Variants in MYH7B observed in about 807,000 individuals in gnomAD.
MYH7B encodes the protein myosin-7B.
Under a neutral mutation model 234.5 loss-of-function variants are expected in MYH7B, and 205 were observed. That is an observed-to-expected ratio of 0.87 (90% CI 0.78 to 0.98). The LOEUF is 0.98. MYH7B is among the 50% of genes least tolerant of loss of function. MYH7B has a pLI of 0.00. For synonymous variants in MYH7B, 1,193 were observed against 1,105.0 expected (o/e 1.08, Z -1.58); for missense variants, 2,652 against 2,633.4 (o/e 1.01, Z -0.15).
At chr20:34,979,580 C>G in intron 6 of MYH7B, 81 bp from the exon 7 acceptor site, 1 of 1,603,276 alleles carries the variant, frequency 6.2e-7, no homozygotes, top group South Asian at 1.1e-5. Context: ...TGAAGGGGGT[C>G]TGGGTATGTG....
At chr20:34,990,509 G>C (rs1202459304) in intron 22 of MYH7B, 199 bp downstream of exon 22, 3 of 864,446 alleles carry the variant, frequency 3.5e-6, no homozygotes, top group Non-Finnish European at 6.0e-6. Context: ...TGTGGGGAAG[G>C]GGTGGGAGCC....
Position 34,998,508 on chromosome 20 carries a change from C to G in MYH7B, c.3875-3C>G, listed in dbSNP as rs746555833. ...ACCTGTCCGCTCGCCTCTTTGCCTG[C>G]AGGGGAGCTGAGTCGCCTGCTAGAG... is the stretch of plus-strand genomic sequence containing the variant. On this transcript the variant is annotated splice_polypyrimidine_tract_variant and splice_region_variant and intron_variant, in intron 33 of 44. Transcript: ENST00000262873. 52 of 1,613,498 alleles carry G rather than the reference C, an allele frequency of 3.2e-5. No individual in the cohort carries two copies. The highest frequency in any genetic ancestry group is 4.4e-5 in the Non-Finnish European group (52 of 1,180,000).
In MYH7B at chr20:34,986,867, C is replaced by A; in HGVS notation, c.905-19C>A. ...GGTAAGCACTGCCTGACCCTCCCTT[C>A]TCTGCCCTGTGTCCCCAGACATGCT... On this transcript the variant is annotated intron_variant, in intron 14 of 44. Transcript: ENST00000262873. 6.2e-7 allele frequency: 1 copy of A among 1,603,456 alleles called. No homozygotes were observed. Among genetic ancestry groups the A allele is most frequent in the Non-Finnish European group, 8.5e-7 (1 of 1,170,482 alleles).
Position 34,979,385 on chromosome 20 carries a change from C to G in MYH7B, c.92-5C>G. 6.2e-7 allele frequency: 1 copy of G among 1,610,172 alleles called. No individual in the cohort carries two copies. The highest frequency in any genetic ancestry group is 8.5e-7 in the Non-Finnish European group (1 of 1,177,740). On this transcript the variant is annotated splice_polypyrimidine_tract_variant and splice_region_variant and intron_variant, in intron 5 of 44. Transcript: ENST00000262873. ...TCTGAGTCCAGAGCTCTCTCTGCAA[C>G]CCAGGGAAGAAGCGAGTCTGGGTGC...
chr20:34,990,311 G>A lies in MYH7B; in HGVS notation c.1977+1G>A. On this transcript the variant is annotated splice_donor_variant, in intron 22 of 44. Transcript: ENST00000262873. LOFTEE classifies it high-confidence loss of function. ...CCAGACGGTGTCCCAGCTGCACAAG[G>A]TAAGGCCCCATCTGGGAGACAGACC... 6.2e-7 allele frequency: 1 copy of A among 1,614,136 alleles called. No homozygotes were observed. Among genetic ancestry groups the A allele is most frequent in the Non-Finnish European group, 8.5e-7 (1 of 1,180,030 alleles).
At position 34,996,535 on chromosome 20, in the gene MYH7B, CACCCCGA is replaced by C; in HGVS notation, c.3120+14_3120+20del. On this transcript the variant is annotated intron_variant, in intron 29 of 44. Transcript: ENST00000262873. ...ACAGGTGGAGGACGTGAGTCAGGGC[CACCCCGA>C]GACTGGGTGGCGGGGCCGGGGTGCC... 6.2e-7 allele frequency: 1 copy of C among 1,605,420 alleles called. No individual in the cohort carries two copies. The highest frequency in any genetic ancestry group is 8.5e-7 in the Non-Finnish European group (1 of 1,175,608).
At position 35,001,425 on chromosome 20, in the gene MYH7B, G is replaced by A. The variant is rs41309314; in HGVS notation, c.5581-6G>A. On this transcript the variant is annotated splice_polypyrimidine_tract_variant and splice_region_variant and intron_variant, in intron 42 of 44. Coordinates refer to ENST00000262873, the Ensembl canonical transcript of MYH7B. ...AGCAAGCCCTGAGTCCCCCTTGCCC[G>A]CCCAGGCCGAGGAGGACAGGAAGAA... is the stretch of plus-strand genomic sequence containing the variant. 1.5e-3 allele frequency: 2,404 copies of A among 1,596,380 alleles called. 8 individuals carry two copies. Among genetic ancestry groups the A allele is most frequent in the Non-Finnish European group, 1.9e-3 (2,252 of 1,171,780 alleles).
intron 36 of MYH7B, 69 bp downstream of exon 36, chr20:34,999,474 G>GCCCTGGTGGGGCCA: frequency 6.6e-7 from 1 of 1,526,186 alleles, no homozygotes; most frequent in Non-Finnish European, 8.8e-7. Context: ...TTATGGGGGT[G>GCCCTGGTGGGGCCA]CCCTGGTGGG....
exon 45 of MYH7B, chr20:35,002,271 T>G: frequency 1.4e-6 from 2 of 1,447,178 alleles, no homozygotes; most frequent in Non-Finnish European, 1.8e-6. Flanking sequence ...CTGCCATCTC[T>G]GCATCGCCCC....
intron 1 of MYH7B, among the ~76,000 whole-genome samples, chr20:34,957,484 C>CTTT (rs71196770): frequency 0.018 from 1,867 of 104,166 alleles, 77 homozygotes; most frequent in East Asian, 0.041. Flanking sequence ...CCTTTTGACT[C>CTTT]TTTTTTTTTT....
At chr20:34,989,639 G>A in intron 19 of MYH7B, 101 bp from the exon 20 acceptor site, 1 of 1,200,528 alleles carries the variant, frequency 8.3e-7, no homozygotes, top group South Asian at 1.6e-5. Flanking sequence ...CTGGGGATCT[G>A]GGAAGGCTCC....
intron 7 of MYH7B, 67 bp downstream of exon 7, chr20:34,979,871 G>A (rs1239363634): frequency 1.9e-6 from 3 of 1,548,606 alleles, no homozygotes; most frequent in East Asian, 2.3e-5. Flanking sequence ...GAGATGAGGT[G>A]CTGGGGGCGG....
At chr20:34,978,382 G>A (rs1038722219) in intron 5 of MYH7B, among the ~76,000 whole-genome samples, 3 of 152,282 alleles carry the variant, frequency 2.0e-5, no homozygotes, top group Non-Finnish European at 2.9e-5. Flanking sequence ...GCTGGAGCCC[G>A]AGGCCTCTGA....
intron 7 of MYH7B, 155 bp from the exon 8 acceptor site, chr20:34,980,423 C>T (rs1280187860): frequency 5.9e-6 from 4 of 677,908 alleles, no homozygotes; most frequent in Admixed American, 4.6e-5. Flanking sequence ...GTGGCACGCG[C>T]TTGTAGTCCT....
Position 34,998,397 on chromosome 20 carries a change from C to T in MYH7B, c.3850C>T (p.Arg1284Cys), listed in dbSNP as rs926249951. Residue 1284 changes from arginine (R) to cysteine (C), a missense_variant, in exon 33 of 45, where the codon CGT becomes TGT. By Grantham distance (180) the Arg-to-Cys change is radical (BLOSUM62 -3). Around this residue, in one of 3 missense-constraint regions of MYH7B, gnomAD observed 2,279 missense variants for 2,211.4 expected, o/e 1.03. Coordinates refer to ENST00000262873, the Ensembl canonical transcript of MYH7B. ...GCAGCTGGCGGACGCAAGCACGCAGCGTGGGCGACTACAGACGGAAAGCGG... is the reference window on the plus strand; with the variant it reads ...GCAGCTGGCGGACGCAAGCACGCAGTGTGGGCGACTACAGACGGAAAGCGG... 17 of 1,613,228 alleles carry T rather than the reference C, an allele frequency of 1.1e-5. No homozygotes were observed. The African/African-American group carries it at 1.2e-4, about 11-fold the overall frequency.
chr20:34,980,625 C>G (rs761221146), exon 8 of MYH7B: 6 of 1,614,182 alleles, frequency 3.7e-6, no homozygotes, highest in Non-Finnish European at 1.7e-6. Flanking sequence ...ACAAATGGCT[C>G]CCAGTCTATA....
At chr20:34,984,983 G>A (rs775240463) in intron 12 of MYH7B, 37 bp downstream of exon 12, 18 of 1,607,826 alleles carry the variant, frequency 1.1e-5, no homozygotes, top group East Asian at 6.7e-5. Flanking sequence ...CGGGGATGCC[G>A]TAGGCCACCA....
At chr20:34,977,379 TGA>T (rs1313703579) in intron 3 of MYH7B, among the ~76,000 whole-genome samples, 1 of 152,064 alleles carries the variant, frequency 6.6e-6, no homozygotes, top group African/African-American at 2.4e-5. Flanking sequence ...TTTCTCCCCG[TGA>T]GCTCTTCAGT....
chr20:34,994,314 T>G (rs2147221754), exon 27 of MYH7B: 1 of 1,610,218 alleles, frequency 6.2e-7, no homozygotes, highest in East Asian at 2.2e-5. Context: ...GGGCGCTGGC[T>G]GCGGCCGAGG....
Sources: allele counts gnomAD v4.1 joint callset (sites outside exome capture counted in the v4.1 genomes callset), GRCh38; gene constraint gnomAD v4.1.1; regional missense constraint gnomAD v4.1.1; transcripts MANE v1.5; gene names NCBI Gene and HGNC (gene_info 2026-07-23, HGNC 2026-07-21).